HHAT: variants seen among roughly 807,000 people sequenced by gnomAD.
The protein encoded by HHAT is hedgehog acyltransferase, also known as protein-cysteine N-palmitoyltransferase HHAT.
HHAT carries 47 observed loss-of-function variants against 70.8 expected under a neutral mutation model. The ratio of observed to expected loss-of-function variants is 0.66; its 90% CI spans 0.53 to 0.85. The LOEUF (loss-of-function observed/expected upper bound fraction) is 0.85. HHAT is among the 40% of genes least tolerant of loss of function. The probability of loss-of-function intolerance (pLI) is 0.00; values close to 1 mark genes in which losing one functional copy is unlikely to be tolerated. For missense variants in HHAT, 609 were observed against 604.8 expected, an observed-to-expected ratio of 1.01 and a Z score of -0.07; for synonymous variants, 228 against 247.6, an observed-to-expected ratio of 0.92 and a Z score of 0.74.
chr1:210,499,090 C>T (rs553848169), intron 8 of HHAT, among the ~76,000 whole-genome samples: 2 of 152,068 alleles, frequency 1.3e-5, no homozygotes, highest in East Asian at 3.9e-4. Flanking sequence ...TTTTATTTTT[C>T]CTTGCAGCCT....
rs189750108 is a variant in HHAT at position 210,455,236 on chromosome 1, A to G, written c.857-9269A>G. Among the ~76,000 whole-genome samples, 6 of 152,316 alleles carry G rather than the reference A, an allele frequency of 3.9e-5. No homozygotes were observed. In the East Asian group the frequency reaches 1.2e-3, roughly 29 times the overall value. On this transcript the variant is annotated intron_variant, in intron 7 of 11. Transcript: ENST00000261458. The stretch of plus-strand genomic sequence containing the variant: ...TCACGTTACCTGCCCTTTATAGCAG[A>G]AAAAGGTATCTCTCATTGTGCCTGT...
At chr1:210,348,390 C>G (rs1206306253) in intron 1 of HHAT, among the ~76,000 whole-genome samples, 1 of 152,180 alleles carries the variant, frequency 6.6e-6, no homozygotes, top group Non-Finnish European at 1.5e-5. Context: ...CATGAGCCAC[C>G]ATGCCTGGCC....
At chr1:210,623,008 C>G (rs1196838430) in intron 10 of HHAT, among the ~76,000 whole-genome samples, 5 of 152,184 alleles carry the variant, frequency 3.3e-5, no homozygotes, top group Non-Finnish European at 7.3e-5. Context: ...TGTTCCACCT[C>G]AAAGAAACAA....
chr1:210,449,389 C>T (rs981925911), intron 7 of HHAT, among the ~76,000 whole-genome samples: 3 of 152,048 alleles, frequency 2.0e-5, no homozygotes, highest in East Asian at 1.9e-4. Flanking sequence ...TCGTGGCTGA[C>T]GAGTGTGACC....
chr1:210,586,809 GCTCAAGGTGTGAGTTTTGTCCAA>G (rs372127656), intron 9 of HHAT, among the ~76,000 whole-genome samples: 15 of 152,216 alleles, frequency 9.9e-5, no homozygotes, highest in African/African-American at 3.6e-4. Flanking sequence ...GGTCCTAACA[GCTCAAGGTGTGAGTTTTGTCCAA>G]CTCAAGCAGG....
chr1:210,448,028 T>C (rs1286401669), intron 7 of HHAT, among the ~76,000 whole-genome samples: 1 of 151,944 alleles, frequency 6.6e-6, no homozygotes. Flanking sequence ...AGCATAACTT[T>C]CCATCTGCAA....
intron 9 of HHAT, among the ~76,000 whole-genome samples, chr1:210,563,933 T>C (rs2095646176): frequency 6.6e-6 from 1 of 152,060 alleles, no homozygotes; most frequent in Non-Finnish European, 1.5e-5. Flanking sequence ...ATAGATGAAC[T>C]CATACTACAT....
intron 11 of HHAT, among the ~76,000 whole-genome samples, chr1:210,658,745 C>A (rs1677004587): frequency 6.6e-6 from 1 of 152,234 alleles, no homozygotes; most frequent in African/African-American, 2.4e-5. Context: ...GTCTCTCAGA[C>A]CACAGTGCAA....
At chr1:210,333,517 T>A (rs1367317243) in intron 1 of HHAT, among the ~76,000 whole-genome samples, 2 of 152,194 alleles carry the variant, frequency 1.3e-5, no homozygotes, top group Non-Finnish European at 2.9e-5. Flanking sequence ...CAAAATTCAG[T>A]GCAGTAGCAA....
intron 6 of HHAT, among the ~76,000 whole-genome samples, chr1:210,408,898 G>T (rs1361704588): frequency 6.6e-6 from 1 of 152,174 alleles, no homozygotes; most frequent in Non-Finnish European, 1.5e-5. Flanking sequence ...GTCTCACTCT[G>T]ACACCCAGGT....
chr1:210,490,603 C>T (rs970642721), intron 8 of HHAT, among the ~76,000 whole-genome samples: 2 of 152,116 alleles, frequency 1.3e-5, no homozygotes, highest in African/African-American at 4.8e-5. Flanking sequence ...TTTGAAATCC[C>T]CATGTGTCCT....
At chr1:210,645,984 T>C (rs1455102137) in intron 11 of HHAT, among the ~76,000 whole-genome samples, 1 of 152,206 alleles carries the variant, frequency 6.6e-6, no homozygotes, top group Non-Finnish European at 1.5e-5. Context: ...ACCCTGCAGT[T>C]CTGCAACTGG....
chr1:210,646,145 C>T (rs1008091348), intron 11 of HHAT, among the ~76,000 whole-genome samples: 1 of 152,178 alleles, frequency 6.6e-6, no homozygotes, highest in Non-Finnish European at 1.5e-5. Context: ...ATACTTTGCA[C>T]GGAGTTTTTC....
intron 10 of HHAT, among the ~76,000 whole-genome samples, chr1:210,594,947 C>G (rs185102500): frequency 2.1e-5 from 3 of 141,958 alleles, no homozygotes; most frequent in Non-Finnish European, 4.6e-5. Flanking sequence ...TTTCTTTGCT[C>G]TCGTTGCTTT....
intron 9 of HHAT, among the ~76,000 whole-genome samples, chr1:210,586,295 C>T (rs796186744): frequency 6.6e-6 from 1 of 152,124 alleles, no homozygotes; most frequent in South Asian, 2.1e-4. Flanking sequence ...TTTAAATTAG[C>T]TGGGTGTGGT....
intron 10 of HHAT, among the ~76,000 whole-genome samples, chr1:210,605,480 G>A (rs930571308): frequency 1.3e-5 from 2 of 152,276 alleles, no homozygotes; most frequent in East Asian, 1.9e-4. Context: ...CATGGGTTTC[G>A]ATTGTGTCTC....
At chr1:210,580,502 C>T (rs1403762116) in intron 9 of HHAT, among the ~76,000 whole-genome samples, 2 of 130,360 alleles carry the variant, frequency 1.5e-5, no homozygotes, top group Non-Finnish European at 3.2e-5. Flanking sequence ...CCCCCCACCC[C>T]CCAGCAGGCC....
At chr1:210,527,752 G>T (rs930623235) in intron 9 of HHAT, among the ~76,000 whole-genome samples, 4 of 152,202 alleles carry the variant, frequency 2.6e-5, no homozygotes, top group Non-Finnish European at 5.9e-5. Context: ...GCCCTAATGA[G>T]TGGAGTTGCC....
rs569333203 is a variant in HHAT at position 210,585,985 on chromosome 1, A to G, written c.1044-1913A>G. ...ACTGACTTAGCAGGATTCTTGCTAC[A>G]ATAAAGATGGACACCAAGGTTGAGG... On this transcript the variant is annotated intron_variant, in intron 9 of 11. Coordinates refer to ENST00000261458, the MANE Select transcript of HHAT (RefSeq NM_018194.6). Among the ~76,000 whole-genome samples, 7 of 152,324 alleles carry G rather than the reference A, an allele frequency of 4.6e-5. No homozygotes were observed. The Middle Eastern group carries it at 0.01, about 222-fold the overall frequency.
Sources: gnomAD v4.1 joint callset for allele counts (sites outside exome capture counted in the v4.1 genomes callset) on GRCh38, gnomAD v4.1.1 for gene constraint, MANE v1.5 for transcripts, NCBI Gene and HGNC (gene_info 2026-07-23, HGNC 2026-07-21) for gene names.